CROT: variants seen among roughly 807,000 people sequenced by gnomAD.
CROT encodes the protein peroxisomal carnitine O-octanoyltransferase.
CROT carries 84 observed loss-of-function variants against 89.2 expected under a neutral mutation model. The ratio of observed to expected loss-of-function variants is 0.94; its 90% CI spans 0.79 to 1.13. The LOEUF (loss-of-function observed/expected upper bound fraction) is 1.13. Among genes scored for constraint, CROT ranks in the 50% most tolerant of loss-of-function variants. The pLI, the probability that CROT is intolerant of heterozygous loss-of-function variation, is 0.00. For missense variants in CROT, 711 were observed against 727.8 expected, an observed-to-expected ratio of 0.98 and a Z score of 0.27; for synonymous variants, 212 against 239.5, an observed-to-expected ratio of 0.89 and a Z score of 1.06.
At chr7:87,380,653 A>G (rs1201507559) in intron 10 of CROT, among the ~76,000 whole-genome samples, 4 of 152,194 alleles carry the variant, frequency 2.6e-5, no homozygotes, top group African/African-American at 9.7e-5. Flanking sequence ...ATAGCATTGG[A>G]ATTTTATATA....
chr7:87,362,685 G>A (rs921264663), intron 6 of CROT, among the ~76,000 whole-genome samples: 1 of 151,844 alleles, frequency 6.6e-6, no homozygotes, highest in African/African-American at 2.4e-5. Context: ...TTTCTGCTTG[G>A]TGTCCTAGCT....
intron 10 of CROT, 147 bp from the exon 11 acceptor site, chr7:87,381,763 T>C (rs375807760): frequency 7.2e-6 from 4 of 555,964 alleles, no homozygotes; most frequent in Admixed American, 3.5e-5. Context: ...GGGAATCTTC[T>C]ATCTTATCAT....
At chr7:87,375,163 AT>A (rs547576074) in intron 7 of CROT, 53 of 153,134 alleles carry the variant, frequency 3.5e-4, no homozygotes, top group African/African-American at 8.3e-4. Flanking sequence ...TGGTATTTCT[AT>A]TTTTTTTTGG....
rs1364554971 is a variant in CROT, at chr7:87,391,590, C to T, written c.1303C>T (p.Pro435Ser). ...CACTCTTTTAATTTTTTCTTGTAGC[C>T]CTGGTTGTTGCTATGAAACAGCTAT... The part of the protein sequence containing the change: ...QLAYYRLHGH[P>S]GCCYETAMTR... Residue 435 changes from proline to serine, a missense_variant and splice_region_variant, in exon 14 of 18, where the codon CCT becomes TCT. By Grantham distance (74) the Pro-to-Ser change is moderately conservative. Transcript: ENST00000331536. 1.3e-6 allele frequency: 2 copies of T among 1,588,364 alleles called. No individual in the cohort carries two copies. Among genetic ancestry groups the T allele is most frequent in the Admixed American group, 1.9e-5 (1 of 52,824 alleles).
chr7:87,392,753 C>A lies in CROT; in HGVS notation c.1528C>A (p.Leu510Ile). Reference protein sequence around the residue: ...GKGFDRHLLGLLLIAKEEGLP... With the variant: ...GKGFDRHLLGILLIAKEEGLP... ...AGGATTTGATCGTCACCTTTTAGGTCTCTTACTCATAGCAAAAGAGGAAGG... is the reference window on the plus strand; with the variant it reads ...AGGATTTGATCGTCACCTTTTAGGTATCTTACTCATAGCAAAAGAGGAAGG... Residue 510 changes from leucine to isoleucine, a missense_variant, in exon 16 of 18, where the codon CTC becomes ATC. Physicochemically the swap from Leu to Ile is conservative, Grantham distance 5. Coordinates refer to ENST00000331536, the MANE Select transcript of CROT (RefSeq NM_021151.4). 7.4e-6 allele frequency: 12 copies of A among 1,613,618 alleles called. No individual in the cohort carries two copies. Among genetic ancestry groups the A allele is most frequent in the Non-Finnish European group, 1.0e-5 (12 of 1,179,784 alleles).
intron 6 of CROT, 135 bp downstream of exon 6, chr7:87,361,987 A>G: frequency 1.3e-6 from 1 of 745,792 alleles, no homozygotes; most frequent in Non-Finnish European, 2.0e-6. Flanking sequence ...TGTGAGCCTT[A>G]TATTTGAATC....
intron 10 of CROT, among the ~76,000 whole-genome samples, chr7:87,378,237 G>C (rs1168888353): frequency 6.6e-6 from 1 of 151,786 alleles, no homozygotes; most frequent in Non-Finnish European, 1.5e-5. Context: ...CCAGCTACTT[G>C]GGAGGCTGAG....
intron 2 of CROT, 131 bp from the exon 3 acceptor site, chr7:87,348,917 T>C (rs1805782696): frequency 2.2e-6 from 1 of 452,174 alleles, no homozygotes. Context: ...ATAAATTTCA[T>C]AAAAGCTGGT....
In CROT at chr7:87,346,661, C is replaced by T. The variant is rs538203448; in HGVS notation, c.-22+231C>T. ...AATGTGTACCGGTTGGTGGGTTAAG[C>T]ACTATAGTGGGTATGTAACTAATAC... is the stretch of plus-strand genomic sequence containing the variant. On this transcript the variant is annotated intron_variant, in intron 2 of 17. Coordinates refer to ENST00000331536, the MANE Select transcript of CROT (RefSeq NM_021151.4). Among the ~76,000 whole-genome samples, 42 of 152,296 alleles carry T rather than the reference C, an allele frequency of 2.8e-4. 1 individual carries two copies. The highest frequency in any genetic ancestry group is 3.3e-4 in the Admixed American group (5 of 15,298).
In CROT at chr7:87,361,820, C is replaced by G. The variant is rs534687382; in HGVS notation, c.515C>G (p.Thr172Ser). The G allele has an allele frequency of 1.9e-6, 3 of 1,604,566 alleles. No individual in the cohort carries two copies. In the South Asian group the frequency reaches 3.4e-5, roughly 18 times the overall value. ...TCTACCTGCAAGGTTCCAGGAATTA[C>G]TAGAGACTCCATTATGAATTATTTT... The part of the protein sequence containing the change: ...LFSTCKVPGI[T>S]RDSIMNYFRT... The change falls in exon 6 of 18, where the codon ACT becomes AGT. Residue 172 changes from threonine to serine, a missense_variant. Coordinates refer to ENST00000331536, the MANE Select transcript of CROT (RefSeq NM_021151.4).
At chr7:87,358,724 G>A (rs1806179992) in intron 3 of CROT, among the ~76,000 whole-genome samples, 1 of 152,004 alleles carries the variant, frequency 6.6e-6, no homozygotes, top group Non-Finnish European at 1.5e-5. Context: ...GGAAGAGGAG[G>A]GACTGGTCTT....
chr7:87,390,388 A>G (rs1235273209), intron 13 of CROT, among the ~76,000 whole-genome samples: 1 of 152,144 alleles, frequency 6.6e-6, no homozygotes, highest in Non-Finnish European at 1.5e-5. Flanking sequence ...CAGTGGTAAT[A>G]TTTTATTACT....
chr7:87,370,891 T>C (rs1202094099), intron 7 of CROT, among the ~76,000 whole-genome samples: 1 of 152,242 alleles, frequency 6.6e-6, no homozygotes, highest in East Asian at 1.9e-4. Flanking sequence ...TCAGCTTCAA[T>C]AGATAATGCC....
At chr7:87,378,941 G>C (rs1375829438) in intron 10 of CROT, among the ~76,000 whole-genome samples, 3 of 152,172 alleles carry the variant, frequency 2.0e-5, no homozygotes, top group African/African-American at 7.2e-5. Flanking sequence ...ACAGTGAAAA[G>C]TTGCCACAAG....
chr7:87,377,219 A>G lies in CROT; in HGVS notation c.877-130A>G, dbSNP rs1180587892. On this transcript the variant is annotated intron_variant, in intron 9 of 17. Transcript: ENST00000331536. ...TCACATATCAGTGTTGCTGATCATA[A>G]CTATATTATGATTTTATTAAATTTG... The G allele has an allele frequency of 5.3e-6, 3 of 569,894 alleles. No homozygotes were observed. In the African/African-American group the frequency reaches 5.7e-5, roughly 11 times the overall value. The allele number at this position is 569,894 out of a possible 1,614,324, so 35.3% of individuals were successfully genotyped here.
chr7:87,392,881 A>T, intron 16 of CROT, 58 bp downstream of exon 16: 1 of 1,610,384 alleles, frequency 6.2e-7, no homozygotes, highest in Non-Finnish European at 8.5e-7. Flanking sequence ...TTGTATATTA[A>T]ATGGTTTTTA....
chr7:87,381,315 T>A (rs1806994093), intron 10 of CROT, among the ~76,000 whole-genome samples: 1 of 152,190 alleles, frequency 6.6e-6, no homozygotes, highest in African/African-American at 2.4e-5. Context: ...AACTGCAATT[T>A]CTTTCTCTAA....
chr7:87,385,168 C>G (rs1807149605), intron 13 of CROT, among the ~76,000 whole-genome samples: 1 of 150,956 alleles, frequency 6.6e-6, no homozygotes, highest in Non-Finnish European at 1.5e-5. Context: ...ATTGCATTGG[C>G]TATTCTGGGT....
At chr7:87,378,189 C>G (rs1309106758) in intron 10 of CROT, among the ~76,000 whole-genome samples, 1 of 151,684 alleles carries the variant, frequency 6.6e-6, no homozygotes, top group East Asian at 1.9e-4. Context: ...ACAAAAAATA[C>G]AAAAATTAGC....
Sources: allele counts gnomAD v4.1 joint callset (sites outside exome capture counted in the v4.1 genomes callset), GRCh38; gene constraint gnomAD v4.1.1; transcripts MANE v1.5; gene names NCBI Gene and HGNC (gene_info 2026-07-23, HGNC 2026-07-21).